PDE4D: variants seen among roughly 807,000 people sequenced by gnomAD.
The protein encoded by PDE4D is phosphodiesterase 4D.
PDE4D carries 24 observed loss-of-function variants against 87.4 expected under a neutral mutation model. The ratio of observed to expected loss-of-function variants is 0.27; its 90% CI spans 0.20 to 0.39. The LOEUF (loss-of-function observed/expected upper bound fraction) is 0.39, where lower values mean the gene tolerates loss of function less well. PDE4D is among the 10% of genes least tolerant of loss of function. PDE4D has a pLI of 1.00. For synonymous variants in PDE4D, 384 were observed against 383.2 expected, an observed-to-expected ratio of 1.00 and a Z score of -0.02; for missense variants, 714 against 1,041.0, an observed-to-expected ratio of 0.69 and a Z score of 4.32.
chr5:59,253,883 G>A (rs1440873322), intron 1 of PDE4D, among the ~76,000 whole-genome samples: 1 of 152,080 alleles, frequency 6.6e-6, no homozygotes, highest in Non-Finnish European at 1.5e-5. Context: ...AATGCTTAAT[G>A]AATACATGAG....
At chr5:59,690,249 C>T (rs1177750600) in intron 1 of PDE4D, among the ~76,000 whole-genome samples, 3 of 152,174 alleles carry the variant, frequency 2.0e-5, no homozygotes, top group Non-Finnish European at 2.9e-5. Context: ...AAAAAAGAGC[C>T]CGCATTGCCA....
intron 3 of PDE4D, among the ~76,000 whole-genome samples, chr5:59,954,194 G>C (rs1758593135): frequency 6.6e-6 from 1 of 152,182 alleles, no homozygotes; most frequent in Non-Finnish European, 1.5e-5. Context: ...AAAATGCTGG[G>C]ATTACAGGCA....
intron 2 of PDE4D, among the ~76,000 whole-genome samples, chr5:60,123,416 T>C (rs1319807276): frequency 2.0e-5 from 3 of 151,970 alleles, no homozygotes; most frequent in Admixed American, 2.0e-4. Flanking sequence ...AGGCAAAAGG[T>C]ACTTCTTACA....
chr5:60,419,402 A>G (rs546541795), intron 1 of PDE4D, among the ~76,000 whole-genome samples: 1 of 152,194 alleles, frequency 6.6e-6, no homozygotes, highest in African/African-American at 2.4e-5. Flanking sequence ...ACATCATGCT[A>G]TCATTTATGT....
intron 1 of PDE4D, among the ~76,000 whole-genome samples, chr5:59,583,932 G>T (rs755458648): frequency 2.3e-4 from 35 of 152,228 alleles, no homozygotes; most frequent in Non-Finnish European, 2.8e-4. Context: ...ATGAGCTAGG[G>T]CTCGTGAAAC....
chr5:59,438,182 C>T (rs1429523642), intron 1 of PDE4D, among the ~76,000 whole-genome samples: 2 of 152,126 alleles, frequency 1.3e-5, no homozygotes, highest in Non-Finnish European at 2.9e-5. Context: ...TCAATGGGAA[C>T]TAGGATTCAA....
At chr5:60,119,128 G>A (rs907564017) in intron 2 of PDE4D, among the ~76,000 whole-genome samples, 1 of 152,094 alleles carries the variant, frequency 6.6e-6, no homozygotes. Flanking sequence ...GCCCTTTAAG[G>A]TATTCCACAA....
At chr5:60,035,774 C>T (rs932021090) in intron 2 of PDE4D, among the ~76,000 whole-genome samples, 1 of 152,132 alleles carries the variant, frequency 6.6e-6, no homozygotes, top group Non-Finnish European at 1.5e-5. Context: ...GGCTCACTTA[C>T]TTGTCTCAAT....
chr5:59,910,269 C>T (rs1181718163), intron 3 of PDE4D, among the ~76,000 whole-genome samples: 1 of 152,144 alleles, frequency 6.6e-6, no homozygotes, highest in Non-Finnish European at 1.5e-5. Context: ...AACTATTCTC[C>T]TAGCATACCT....
At chr5:60,427,816 G>A (rs560127665) in intron 1 of PDE4D, among the ~76,000 whole-genome samples, 2 of 152,240 alleles carry the variant, frequency 1.3e-5, no homozygotes, top group Non-Finnish European at 2.9e-5. Flanking sequence ...TCATGCCTGT[G>A]ATCCCAGCAC....
chr5:59,672,604 T>A (rs1747405526), intron 1 of PDE4D, among the ~76,000 whole-genome samples: 1 of 152,184 alleles, frequency 6.6e-6, no homozygotes, highest in Admixed American at 6.5e-5. Flanking sequence ...TTGCATAATC[T>A]CTTTTCATTT....
Position 60,234,623 on chromosome 5 carries a change from A to T in PDE4D, c.-89-48936T>A, listed in dbSNP as rs535645827. 2.3e-3 allele frequency among the ~76,000 whole-genome samples: 348 copies of T among 151,988 alleles called. 3 individuals are homozygous for T. The highest frequency in any genetic ancestry group is 7.9e-3 in the African/African-American group (329 of 41,544). ...AGGAACTTGTGAAGGATTTGTGGTCATTCTTATTTAAATTTTTGTTAGAAT... is the reference window on the plus strand; with the variant it reads ...AGGAACTTGTGAAGGATTTGTGGTCTTTCTTATTTAAATTTTTGTTAGAAT... On this transcript the variant is annotated intron_variant, in intron 1 of 16. Coordinates refer to the PDE4D transcript ENST00000502484.
chr5:59,302,774 C>A (rs569743161), intron 1 of PDE4D, among the ~76,000 whole-genome samples: 1 of 152,208 alleles, frequency 6.6e-6, no homozygotes, highest in Admixed American at 6.5e-5. Context: ...TTTCTTTATC[C>A]ACTTATTGAC....
At chr5:59,551,462 C>T (rs1016998554) in intron 1 of PDE4D, among the ~76,000 whole-genome samples, 1 of 121,026 alleles carries the variant, frequency 8.3e-6, no homozygotes, top group Admixed American at 9.3e-5. Context: ...GAATAAAATG[C>T]TACTTCAGTC....
chr5:60,149,934 A>T (rs1781353060), intron 2 of PDE4D, among the ~76,000 whole-genome samples: 1 of 147,208 alleles, frequency 6.8e-6, no homozygotes, highest in Admixed American at 6.9e-5. Flanking sequence ...TCCTATATAT[A>T]CATATGTTAT....
At chr5:60,238,669 A>G (rs1037018941) in intron 1 of PDE4D, among the ~76,000 whole-genome samples, 2 of 151,940 alleles carry the variant, frequency 1.3e-5, no homozygotes, top group Non-Finnish European at 2.9e-5. Flanking sequence ...TTGTTTGTTC[A>G]TATCTTTCAC....
intron 5 of PDE4D, among the ~76,000 whole-genome samples, chr5:59,163,560 C>T (rs1157588378): frequency 2.6e-5 from 4 of 152,314 alleles, no homozygotes; most frequent in East Asian, 1.9e-4. Flanking sequence ...CGTGAGCCAC[C>T]GCTCCTGGTC....
intron 6 of PDE4D, among the ~76,000 whole-genome samples, chr5:59,030,422 C>CAAAAAAAAAAAAAAAA (rs373275661): frequency 5.1e-5 from 3 of 58,288 alleles, no homozygotes; most frequent in Non-Finnish European, 9.4e-5. Context: ...AACAGAGATA[C>CAAAAAAAAAAAAAAAA]AAAAAAAAAA....
At chr5:60,367,214 C>T (rs369907679) in intron 1 of PDE4D, among the ~76,000 whole-genome samples, 2 of 151,928 alleles carry the variant, frequency 1.3e-5, no homozygotes, top group East Asian at 1.9e-4. Flanking sequence ...TTTGGGAGGG[C>T]GAGGTGGGCA....
Sources: allele counts gnomAD v4.1 joint callset (sites outside exome capture counted in the v4.1 genomes callset), GRCh38; gene constraint gnomAD v4.1.1; transcripts MANE v1.5; gene names NCBI Gene and HGNC (gene_info 2026-07-23, HGNC 2026-07-21).